The following LUZP2 variants were observed in gnomAD, a reference collection of about 807,000 sequenced individuals.
LUZP2 encodes the protein leucine zipper protein 2.
Under a neutral mutation model 51.6 loss-of-function variants are expected in LUZP2, and 52 were observed. That is an observed-to-expected ratio of 1.01 (90% CI 0.81 to 1.27). LUZP2 has a LOEUF of 1.27. Ranked by LOEUF, LUZP2 falls within the 50% of genes most tolerant of loss-of-function variation. The probability of loss-of-function intolerance (pLI) is 0.00; values close to 1 mark genes in which losing one functional copy is unlikely to be tolerated. For missense variants in LUZP2, 436 were observed against 395.4 expected (o/e 1.10, Z -0.87); for synonymous variants, 154 against 137.3 (o/e 1.12, Z -0.85).
intron 3 of LUZP2, among the ~76,000 whole-genome samples, chr11:24,737,077 G>C (rs575706170): frequency 1.3e-5 from 2 of 152,176 alleles, no homozygotes; most frequent in South Asian, 4.1e-4. Context: ...TTATGGTTGT[G>C]TAGAACATCA....
intron 8 of LUZP2, among the ~76,000 whole-genome samples, chr11:24,978,510 C>T (rs1253489518): frequency 2.0e-5 from 3 of 151,638 alleles, no homozygotes; most frequent in Non-Finnish European, 4.4e-5. Flanking sequence ...GAATATTCTT[C>T]GTTATATTAA....
intron 5 of LUZP2, among the ~76,000 whole-genome samples, chr11:24,870,977 A>G (rs1172262663): frequency 6.6e-6 from 1 of 152,058 alleles, no homozygotes; most frequent in Admixed American, 6.6e-5. Flanking sequence ...TACATATTTT[A>G]TACTAGTATA....
intron 5 of LUZP2, among the ~76,000 whole-genome samples, chr11:24,848,189 A>G (rs1851264274): frequency 6.7e-6 from 1 of 150,104 alleles, no homozygotes; most frequent in African/African-American, 2.5e-5. Flanking sequence ...TGCTACAGTT[A>G]TATACCATTT....
chr11:24,993,894 T>A lies in LUZP2; in HGVS notation c.765+10601T>A, dbSNP rs1054457700. ...GGGGTGTGGGGGAATAGAGTCTCGC[T>A]CTGTTGCCCAGGCTGGAGTGCAGTG... is the stretch of plus-strand genomic sequence containing the variant. On this transcript the variant is annotated intron_variant, in intron 9 of 11. Coordinates refer to ENST00000336930, the MANE Select transcript of LUZP2 (RefSeq NM_001009909.4). Among the ~76,000 whole-genome samples the A allele has an allele frequency of 2.6e-5, 4 of 152,154 alleles. No individual in the cohort carries two copies. The South Asian group carries it at 8.3e-4, about 32-fold the overall frequency.
At chr11:25,012,354 C>G (rs970744313) in intron 9 of LUZP2, among the ~76,000 whole-genome samples, 28 of 152,112 alleles carry the variant, frequency 1.8e-4, no homozygotes, top group African/African-American at 6.8e-4. Flanking sequence ...CCCAAACTCC[C>G]CACACTGTTT....
At chr11:24,688,937 A>G (rs1008024525) in intron 1 of LUZP2, among the ~76,000 whole-genome samples, 3 of 151,984 alleles carry the variant, frequency 2.0e-5, no homozygotes, top group Non-Finnish European at 4.4e-5. Flanking sequence ...CCCTCCCTGT[A>G]TTGTCTCACT....
Position 25,078,907 on chromosome 11 carries a change from G to C in LUZP2, c.*249G>C. On this transcript the variant is annotated 3_prime_UTR_variant, in exon 12 of 12. Transcript: ENST00000336930. The stretch of plus-strand genomic sequence containing the variant: ...AACAGTAAATTGTCCCATATAAATT[G>C]GTCTGGTTTAACTCAAATGCTATCT... 1 of 372,666 alleles carries C rather than the reference G, an allele frequency of 2.7e-6. No individual in the cohort carries two copies. Among genetic ancestry groups the C allele is most frequent in the Non-Finnish European group, 4.8e-6 (1 of 209,656 alleles). The allele number at this position is 372,666 out of a possible 1,614,324, so 23.1% of individuals were successfully genotyped here. A position where few individuals can be genotyped will look rare whatever the true frequency, so the allele number is the denominator to read the frequency against.
chr11:24,558,566 T>C (rs1851941162), intron 1 of LUZP2, among the ~76,000 whole-genome samples: 1 of 152,164 alleles, frequency 6.6e-6, no homozygotes, highest in Non-Finnish European at 1.5e-5. Context: ...ATCTTGCAAA[T>C]TAGAAAATTA....
chr11:24,622,697 A>G (rs1421565499), intron 1 of LUZP2, among the ~76,000 whole-genome samples: 1 of 152,168 alleles, frequency 6.6e-6, no homozygotes, highest in African/African-American at 2.4e-5. Flanking sequence ...CTGAGCCTCC[A>G]TTTACTCATC....
At chr11:24,580,821 G>A (rs1336826417) in intron 1 of LUZP2, among the ~76,000 whole-genome samples, 1 of 151,928 alleles carries the variant, frequency 6.6e-6, no homozygotes, top group Non-Finnish European at 1.5e-5. Context: ...TCATTAATAA[G>A]GAAAGCTCTT....
intron 7 of LUZP2, among the ~76,000 whole-genome samples, chr11:24,976,206 A>G (rs1393231661): frequency 6.6e-6 from 1 of 151,986 alleles, no homozygotes; most frequent in Non-Finnish European, 1.5e-5. Flanking sequence ...AAATACAGTG[A>G]CAATAATGAG....
intron 1 of LUZP2, among the ~76,000 whole-genome samples, chr11:24,522,958 C>G (rs1850689383): frequency 6.6e-6 from 1 of 152,046 alleles, no homozygotes; most frequent in African/African-American, 2.4e-5. Flanking sequence ...ACCTCGTTCA[C>G]TAACCCATAT....
chr11:24,838,301 T>C (rs1263073494), intron 5 of LUZP2, among the ~76,000 whole-genome samples: 2 of 151,722 alleles, frequency 1.3e-5, no homozygotes, highest in East Asian at 3.8e-4. Flanking sequence ...AAAATATTCA[T>C]ATACATTCTC....
chr11:24,728,208 G>C (rs1036660942), intron 1 of LUZP2, among the ~76,000 whole-genome samples: 1 of 151,886 alleles, frequency 6.6e-6, no homozygotes, highest in African/African-American at 2.4e-5. Flanking sequence ...TTCCCTCTCA[G>C]TGAAGGGCTG....
chr11:24,601,458 T>C (rs1444235427), intron 1 of LUZP2, among the ~76,000 whole-genome samples: 2 of 151,946 alleles, frequency 1.3e-5, no homozygotes, highest in African/African-American at 4.8e-5. Context: ...AGAATAAAGA[T>C]GATAGTTCTG....
chr11:24,885,741 C>T (rs960040996), intron 5 of LUZP2, among the ~76,000 whole-genome samples: 10 of 152,116 alleles, frequency 6.6e-5, no homozygotes, highest in Non-Finnish European at 1.3e-4. Flanking sequence ...ATTATCTAAA[C>T]GTGTTCCATT....
In LUZP2 at chr11:24,866,113, T is replaced by TACACACAC. The variant is rs60308723; in HGVS notation, c.397-39845_397-39838dup. 4.6e-3 allele frequency among the ~76,000 whole-genome samples: 674 copies of TACACACAC among 146,798 alleles called. 4 individuals carry two copies. The highest frequency in any genetic ancestry group is 0.014 in the African/African-American group (541 of 38,748). On this transcript the variant is annotated intron_variant, in intron 5 of 11. Transcript: ENST00000336930. ...CGTGAGTCTCCCGGCCTGCATTTCA[T>TACACACAC]ACACACACACACACACACACACACA...
At chr11:24,698,574 C>T (rs1158221601) in intron 1 of LUZP2, among the ~76,000 whole-genome samples, 1 of 152,156 alleles carries the variant, frequency 6.6e-6, no homozygotes, top group African/African-American at 2.4e-5. Flanking sequence ...ATTTTGGCAT[C>T]CATTGCATAA....
chr11:24,919,545 A>T (rs1271346309), intron 7 of LUZP2, among the ~76,000 whole-genome samples: 1 of 142,450 alleles, frequency 7.0e-6, no homozygotes, highest in Non-Finnish European at 1.5e-5. Context: ...CTGTATATGT[A>T]TTCTTTATAT....
Sources: allele counts gnomAD v4.1 joint callset (sites outside exome capture counted in the v4.1 genomes callset), GRCh38; gene constraint gnomAD v4.1.1; transcripts MANE v1.5; gene names NCBI Gene and HGNC (gene_info 2026-07-23, HGNC 2026-07-21).